NFYC: variants seen among roughly 807,000 people sequenced by gnomAD.
NFYC encodes the protein nuclear transcription factor Y subunit gamma.
A neutral mutation model predicts 53.1 loss-of-function variants in NFYC; 25 were observed. The observed-to-expected ratio is 0.47, with a 90% CI of 0.34 to 0.66. The LOEUF (loss-of-function observed/expected upper bound fraction) is 0.66. Among genes scored for constraint, NFYC ranks in the 30% least tolerant of loss-of-function variants. The pLI, the probability that NFYC is intolerant of heterozygous loss-of-function variation, is 0.01. For missense variants in NFYC, 260 were observed against 422.7 expected (o/e 0.62, Z 3.38); for synonymous variants, 145 against 152.6 (o/e 0.95, Z 0.37).
intron 4 of NFYC, among the ~76,000 whole-genome samples, chr1:40,751,821 TGAGTAGATGACATCAAAAAA>T: frequency 6.6e-6 from 1 of 152,208 alleles, no homozygotes; most frequent in Non-Finnish European, 1.5e-5. Context: ...TTAGATAGAT[TGAGTAGATGACATCAAAAAA>T]TGTGACACTA....
intron 7 of NFYC, among the ~76,000 whole-genome samples, chr1:40,764,820 A>G (rs1646735413): frequency 6.6e-6 from 1 of 152,214 alleles, no homozygotes; most frequent in Admixed American, 6.5e-5. Context: ...GCTGTAGAGG[A>G]ATGAGGGACG....
At chr1:40,696,334 ATTC>A (rs1643143934) in intron 1 of NFYC, among the ~76,000 whole-genome samples, 1 of 152,078 alleles carries the variant, frequency 6.6e-6, no homozygotes, top group Admixed American at 6.6e-5. Context: ...CAGATTTGTA[ATTC>A]TTAATTCTTA....
At chr1:40,731,884 G>A (rs1243089884) in intron 1 of NFYC, among the ~76,000 whole-genome samples, 1 of 152,176 alleles carries the variant, frequency 6.6e-6, no homozygotes, top group East Asian at 1.9e-4. Context: ...TAGAAGTTTG[G>A]TGATGTTTTT....
chr1:40,708,599 A>G (rs1643832422), intron 1 of NFYC, among the ~76,000 whole-genome samples: 1 of 152,152 alleles, frequency 6.6e-6, no homozygotes, highest in Non-Finnish European at 1.5e-5. Context: ...CTAACTTCAT[A>G]CATTACCTTA....
intron 1 of NFYC, among the ~76,000 whole-genome samples, chr1:40,727,259 T>C (rs1644558848): frequency 6.6e-6 from 1 of 152,182 alleles, no homozygotes; most frequent in South Asian, 2.1e-4. Flanking sequence ...GGTCTTACTC[T>C]GTTGCCCAGA....
At chr1:40,757,279 C>CTA (rs1256747922) in intron 5 of NFYC, 1 of 530,558 alleles carries the variant, frequency 1.9e-6, no homozygotes, top group African/African-American at 1.9e-5. Flanking sequence ...ACCCTGTGGG[C>CTA]TATAACCATG....
At chr1:40,710,320 C>G (rs1343723013) in intron 1 of NFYC, among the ~76,000 whole-genome samples, 1 of 152,168 alleles carries the variant, frequency 6.6e-6, no homozygotes, top group Non-Finnish European at 1.5e-5. Flanking sequence ...ATGATGTGAG[C>G]AAAGTGCTTT....
chr1:40,767,078 T>A, intron 8 of NFYC: 1 of 1,128,210 alleles, frequency 8.9e-7, no homozygotes, highest in Middle Eastern at 1.9e-4. Flanking sequence ...GCACCTCCTG[T>A]GCTCTTTGGA....
rs35472258 is a variant in NFYC at position 40,696,024 on chromosome 1, GT to G, written c.-9+4173del. ...GATTCAGACACGGATTTGTAATTCTGTTTTTTTTTTTTTTTTGAGATAGAGT... is the reference window on the plus strand; with the variant it reads ...GATTCAGACACGGATTTGTAATTCTGTTTTTTTTTTTTTTTGAGATAGAGT... On this transcript the variant is annotated intron_variant, in intron 1 of 9. Coordinates refer to ENST00000447388, the MANE Select transcript of NFYC (RefSeq NM_014223.5). 4.7e-4 allele frequency among the ~76,000 whole-genome samples: 64 copies of G among 136,650 alleles called. 1 individual carries two copies. Among genetic ancestry groups the G allele is most frequent in the South Asian group, 2.1e-3 (9 of 4,320 alleles). 89.6% of individuals were successfully genotyped at this position (136,650 alleles called of 152,430 possible).
chr1:40,763,595 C>T, intron 7 of NFYC: 1 of 348,352 alleles, frequency 2.9e-6, no homozygotes, highest in Non-Finnish European at 5.6e-6. Flanking sequence ...GATCCGCCCG[C>T]CTCGGCCTCC....
chr1:40,719,697 TG>T (rs1644265021), intron 1 of NFYC, among the ~76,000 whole-genome samples: 1 of 152,224 alleles, frequency 6.6e-6, no homozygotes, highest in South Asian at 2.1e-4. Flanking sequence ...AAAGGCCTGG[TG>T]GATTTGTGTT....
At chr1:40,767,108 C>G in intron 8 of NFYC, 1 of 841,164 alleles carries the variant, frequency 1.2e-6, no homozygotes, top group Middle Eastern at 2.2e-4. Flanking sequence ...TAGATTTTAC[C>G]CCTACCTCCT....
chr1:40,723,318 C>T (rs1049830548), intron 1 of NFYC: 1 of 152,194 alleles, frequency 6.6e-6, no homozygotes, highest in African/African-American at 2.4e-5. Context: ...TTAACTTAGG[C>T]TACAGGCACT....
At position 40,766,669 on chromosome 1, in the gene NFYC, G is replaced by C. The variant is rs769833317; in HGVS notation, c.794G>C (p.Gly265Ala). The change falls in exon 8 of 10, where the codon GGA becomes GCA. Residue 265 changes from glycine (G) to alanine (A), a missense_variant. By Grantham distance (60) the Gly-to-Ala change is moderately conservative. Transcript: ENST00000447388. Reference protein sequence around the residue: ...QPVSGTQVVQGQIQTLATNAQ... With the variant: ...QPVSGTQVVQAQIQTLATNAQ... Reference sequence around the variant, plus strand: ...GTATCAGGCACTCAAGTTGTGCAGGGACAGATCCAGACACTTGCCACCAAT... The same window carrying C: ...GTATCAGGCACTCAAGTTGTGCAGGCACAGATCCAGACACTTGCCACCAAT... 1 of 1,614,116 alleles carries C rather than the reference G, an allele frequency of 6.2e-7. No homozygotes were observed. Among genetic ancestry groups the C allele is most frequent in the South Asian group, 1.1e-5 (1 of 91,074 alleles).
intron 1 of NFYC, among the ~76,000 whole-genome samples, chr1:40,705,072 C>T (rs1474946335): frequency 6.6e-6 from 1 of 152,146 alleles, no homozygotes; most frequent in Non-Finnish European, 1.5e-5. Flanking sequence ...CATATATTAC[C>T]TTGTTTAATC....
At chr1:40,707,297 C>T (rs1368528904) in intron 1 of NFYC, among the ~76,000 whole-genome samples, 4 of 151,580 alleles carry the variant, frequency 2.6e-5, no homozygotes, top group African/African-American at 9.7e-5. Flanking sequence ...AGTTCAAGAC[C>T]AGCCTGGCCA....
At chr1:40,764,823 G>A (rs1252661941) in intron 7 of NFYC, among the ~76,000 whole-genome samples, 1 of 152,202 alleles carries the variant, frequency 6.6e-6, no homozygotes, top group Admixed American at 6.5e-5. Flanking sequence ...GTAGAGGAAT[G>A]AGGGACGGAT....
chr1:40,756,571 T>G (rs1248314236), intron 5 of NFYC, among the ~76,000 whole-genome samples: 1 of 152,078 alleles, frequency 6.6e-6, no homozygotes, highest in Non-Finnish European at 1.5e-5. Flanking sequence ...CCCCCAGACA[T>G]CAGGCAAACA....
At position 40,738,880 on chromosome 1, in the gene NFYC, A is replaced by G. The variant is rs1645192720; in HGVS notation, c.37A>G (p.Ser13Gly). 2 of 1,614,160 alleles carry G rather than the reference A, an allele frequency of 1.2e-6. No individual in the cohort carries two copies. Among genetic ancestry groups the G allele is most frequent in the Non-Finnish European group, 1.7e-6 (2 of 1,179,992 alleles). ...TEGGFGGTSS[S>G]DAQQSLQSFW... is the part of the protein sequence containing the mutation. The stretch of plus-strand genomic sequence containing the variant: ...AGGAGGATTTGGTGGTACTAGCAGC[A>G]GTGATGCCCAGCAAAGCCTACAGTC... Residue 13 changes from serine (S) to glycine (G), a missense_variant, in exon 2 of 10, where the codon AGT becomes GGT. Transcript: ENST00000447388.
Sources: gnomAD v4.1 joint callset for allele counts (sites outside exome capture counted in the v4.1 genomes callset) on GRCh38, gnomAD v4.1.1 for gene constraint, MANE v1.5 for transcripts, NCBI Gene and HGNC (gene_info 2026-07-23, HGNC 2026-07-21) for gene names.